PCLO: variants seen among roughly 807,000 people sequenced by gnomAD.
PCLO encodes the protein piccolo presynaptic cytomatrix protein.
PCLO carries 82 observed loss-of-function variants against 427.5 expected under a neutral mutation model. The ratio of observed to expected loss-of-function variants is 0.19; its 90% CI spans 0.16 to 0.23. PCLO has a LOEUF of 0.23. Ranked by LOEUF, PCLO falls within the 10% of genes least tolerant of loss-of-function variation. PCLO has a pLI of 1.00. For synonymous variants in PCLO, 2,357 were observed against 2,155.4 expected (o/e 1.09, Z -2.59); for missense variants, 6,239 against 6,115.9 (o/e 1.02, Z -0.67).
rs754189101 is a variant in PCLO at position 82,949,437 on chromosome 7, C to T, written c.11112+39G>A. On this transcript the variant is annotated intron_variant, in intron 6 of 24. Coordinates refer to ENST00000333891, the MANE Select transcript of PCLO (RefSeq NM_033026.6). ...AAGTCTGAAAACACATGATTAATAA[C>T]TCATCCATTGCCTTCCAACTGAAAA... The T allele has an allele frequency of 2.1e-6, 3 of 1,439,408 alleles. No individual in the cohort carries two copies. In the East Asian group the frequency reaches 6.8e-5, roughly 33 times the overall value. 89.2% of individuals were successfully genotyped at this position (1,439,408 alleles called of 1,614,324 possible).
intron 6 of PCLO, among the ~76,000 whole-genome samples, chr7:82,919,665 T>C (rs891358466): frequency 7.3e-5 from 11 of 151,714 alleles, no homozygotes; most frequent in Non-Finnish European, 1.5e-5. Context: ...AAGCAACAGA[T>C]TTTAAACAAT....
intron 5 of PCLO, 89 bp from the exon 6 acceptor site, chr7:82,951,579 G>T: frequency 2.2e-6 from 2 of 930,214 alleles, no homozygotes; most frequent in Non-Finnish European, 3.2e-6. Flanking sequence ...TGAACATAAT[G>T]AATGAGACTG....
At chr7:82,938,478 T>C (rs1415914611) in intron 6 of PCLO, among the ~76,000 whole-genome samples, 1 of 151,960 alleles carries the variant, frequency 6.6e-6, no homozygotes, top group African/African-American at 2.4e-5. Context: ...AATGTCAAGT[T>C]ATTACTAAAA....
intron 10 of PCLO, among the ~76,000 whole-genome samples, chr7:82,869,026 A>G (rs556118986): frequency 2.0e-5 from 3 of 152,280 alleles, no homozygotes; most frequent in East Asian, 3.9e-4. Flanking sequence ...ATGGTAATGT[A>G]TTTCACAATT....
At chr7:82,762,118 C>A (rs34431031) in intron 22 of PCLO, among the ~76,000 whole-genome samples, 1 of 151,982 alleles carries the variant, frequency 6.6e-6, no homozygotes, top group Admixed American at 6.6e-5. Context: ...CATGCTTTTT[C>A]TATCTATTGG....
At chr7:82,908,192 C>T (rs1464833536) in intron 8 of PCLO, among the ~76,000 whole-genome samples, 2 of 152,040 alleles carry the variant, frequency 1.3e-5, no homozygotes, top group Admixed American at 6.6e-5. Context: ...CTCTTAGTCT[C>T]GTAGTTGTAT....
At chr7:82,873,262 T>C (rs1240395925) in intron 10 of PCLO, among the ~76,000 whole-genome samples, 1 of 149,036 alleles carries the variant, frequency 6.7e-6, no homozygotes, top group African/African-American at 2.5e-5. Flanking sequence ...TTAAATAGCA[T>C]GCATCAGACC....
intron 3 of PCLO, among the ~76,000 whole-genome samples, chr7:83,063,703 C>G (rs1192707575): frequency 2.6e-5 from 4 of 152,050 alleles, no homozygotes; most frequent in Non-Finnish European, 5.9e-5. Flanking sequence ...GGGGAAGAGG[C>G]TCTGTATATA....
intron 2 of PCLO, among the ~76,000 whole-genome samples, chr7:83,137,061 T>C (rs1791747842): frequency 6.6e-6 from 1 of 152,132 alleles, no homozygotes; most frequent in African/African-American, 2.4e-5. Flanking sequence ...TACAGAATGC[T>C]GCACAATGAA....
chr7:82,821,052 G>A (rs1791778852), intron 20 of PCLO: 1 of 1,157,548 alleles, frequency 8.6e-7, no homozygotes, highest in Non-Finnish European at 1.1e-6. Flanking sequence ...AATTAAAGAT[G>A]AGAGCTTTAA....
At chr7:83,097,430 G>A (rs1335294951) in intron 3 of PCLO, among the ~76,000 whole-genome samples, 1 of 145,834 alleles carries the variant, frequency 6.9e-6, no homozygotes, top group Non-Finnish European at 1.5e-5. Context: ...GCTGAGGCAG[G>A]AGAATGGCAT....
At chr7:82,881,328 T>A (rs1404753036) in intron 9 of PCLO, among the ~76,000 whole-genome samples, 3 of 152,188 alleles carry the variant, frequency 2.0e-5, no homozygotes, top group Admixed American at 2.0e-4. Context: ...GTGAAGTAGT[T>A]GGGTCCTTAG....
In PCLO at chr7:83,022,038, A is replaced by G. The variant is rs575093485; in HGVS notation, c.3301-55551T>C. On this transcript the variant is annotated intron_variant, in intron 3 of 24. Transcript: ENST00000333891. The stretch of plus-strand genomic sequence containing the variant: ...TGTTCCTCCAAAAATTGTATGCCAA[A>G]ATCTAACCCACAAAATGTGTTGGGG... Among the ~76,000 whole-genome samples, 472 of 152,282 alleles carry G rather than the reference A, an allele frequency of 3.1e-3. 1 individual carries two copies. Among genetic ancestry groups the G allele is most frequent in the Non-Finnish European group, 4.7e-3 (320 of 68,006 alleles).
intron 10 of PCLO, among the ~76,000 whole-genome samples, chr7:82,867,858 C>T (rs898688075): frequency 6.6e-6 from 1 of 152,078 alleles, no homozygotes; most frequent in Admixed American, 6.6e-5. Context: ...AAATATGTTT[C>T]TTTGTACTGG....
intron 4 of PCLO, among the ~76,000 whole-genome samples, chr7:82,957,825 G>A (rs549174095): frequency 2.6e-5 from 4 of 152,266 alleles, no homozygotes; most frequent in African/African-American, 9.6e-5. Flanking sequence ...AATAGCTTTT[G>A]TGAGCGGGAG....
At chr7:82,785,401 C>G (rs1299681234) in intron 22 of PCLO, among the ~76,000 whole-genome samples, 1 of 152,156 alleles carries the variant, frequency 6.6e-6, no homozygotes, top group East Asian at 1.9e-4. Flanking sequence ...GGCCTGGTTT[C>G]TAACAGGCCA....
chr7:83,121,143 A>T (rs558445156), intron 3 of PCLO, among the ~76,000 whole-genome samples: 74 of 119,114 alleles, frequency 6.2e-4, no homozygotes, highest in Non-Finnish European at 1.1e-3. Flanking sequence ...AAACAAACAA[A>T]CAAACAAACA....
In PCLO at chr7:82,754,110, C is replaced by A. The variant is rs1243153855; in HGVS notation, c.*4465G>T. ...ATACATCTTGTATACAATCACAAAA[C>A]CAAGACATATTTTTACATAGAGTAA... On this transcript the variant is annotated 3_prime_UTR_variant, in exon 25 of 25. Transcript: ENST00000333891. The A allele has an allele frequency of 1.3e-5, 2 of 152,056 alleles. No individual in the cohort carries two copies. Among genetic ancestry groups the A allele is most frequent in the East Asian group, 3.9e-4 (2 of 5,194 alleles). 9.4% of individuals were successfully genotyped at this position (152,056 alleles called of 1,614,324 possible). A position where few individuals can be genotyped will look rare whatever the true frequency, so the allele number is the denominator to read the frequency against.
intron 9 of PCLO, among the ~76,000 whole-genome samples, chr7:82,892,913 G>A (rs1490671293): frequency 2.0e-5 from 3 of 152,016 alleles, no homozygotes; most frequent in African/African-American, 7.3e-5. Flanking sequence ...TCATTAAAAA[G>A]TCAGGAAACA....
Sources: gnomAD v4.1 joint callset for allele counts (sites outside exome capture counted in the v4.1 genomes callset) on GRCh38, gnomAD v4.1.1 for gene constraint, MANE v1.5 for transcripts, NCBI Gene and HGNC (gene_info 2026-07-23, HGNC 2026-07-21) for gene names.